CSGALNACT1: variants seen among roughly 807,000 people sequenced by gnomAD.
The protein encoded by CSGALNACT1 is chondroitin sulfate N-acetylgalactosaminyltransferase 1.
CSGALNACT1 carries 52 observed loss-of-function variants against 51.0 expected under a neutral mutation model. The observed-to-expected ratio is 1.02, with a 90% CI of 0.82 to 1.29. The LOEUF is 1.29. Ranked by LOEUF, CSGALNACT1 falls within the 50% of genes most tolerant of loss-of-function variation. The probability of loss-of-function intolerance (pLI) is 0.00; values close to 1 mark genes in which losing one functional copy is unlikely to be tolerated. For synonymous variants in CSGALNACT1, 341 were observed against 254.4 expected, an observed-to-expected ratio of 1.34 and a Z score of -3.24; for missense variants, 935 against 679.2, an observed-to-expected ratio of 1.38 and a Z score of -4.19.
At chr8:19,707,946 T>G (rs2062273310) in intron 1 of CSGALNACT1, among the ~76,000 whole-genome samples, 1 of 152,154 alleles carries the variant, frequency 6.6e-6, no homozygotes, top group South Asian at 2.1e-4. Flanking sequence ...AGGCAGAGGT[T>G]GCAGTGAGCT....
intron 1 of CSGALNACT1, among the ~76,000 whole-genome samples, chr8:19,667,012 A>AAGGAAGGAAGGAAGG (rs2059378990): frequency 5.8e-5 from 2 of 34,394 alleles, no homozygotes; most frequent in Non-Finnish European, 1.0e-4. Context: ...AGAAAGAAAG[A>AAGGAAGGAAGGAAGG]AAGAAAGGAA....
At chr8:19,526,598 T>A (rs1232284105) in intron 3 of CSGALNACT1, among the ~76,000 whole-genome samples, 2 of 151,924 alleles carry the variant, frequency 1.3e-5, no homozygotes, top group East Asian at 3.9e-4. Context: ...ATAATAATAA[T>A]TTATATATAA....
chr8:19,523,131 G>T lies in CSGALNACT1; in HGVS notation c.-296-17001C>A, dbSNP rs113322945. The stretch of plus-strand genomic sequence containing the variant: ...CAAGACCATCAGAGTTCCATCTCAC[G>T]TAACAGTGACCTACACTGAAGCAAG... On this transcript the variant is annotated intron_variant, in intron 3 of 9. Transcript: ENST00000454498. Among the ~76,000 whole-genome samples the T allele has an allele frequency of 3.2e-4, 49 of 152,242 alleles. No individual in the cohort carries two copies. In the East Asian group the frequency reaches 7.3e-3, roughly 23 times the overall value.
chr8:19,581,118 G>T (rs1478727739), intron 3 of CSGALNACT1, among the ~76,000 whole-genome samples: 1 of 152,174 alleles, frequency 6.6e-6, no homozygotes, highest in Non-Finnish European at 1.5e-5. Flanking sequence ...CAAAACTGAT[G>T]AAAGGTATCA....
chr8:19,751,614 C>A (rs1041817776), intron 1 of CSGALNACT1, among the ~76,000 whole-genome samples: 2 of 152,058 alleles, frequency 1.3e-5, no homozygotes, highest in African/African-American at 4.8e-5. Context: ...GGGTTCTATG[C>A]CCCCACCGAA....
chr8:19,481,480 A>T (rs1226965286), intron 4 of CSGALNACT1, among the ~76,000 whole-genome samples: 1 of 152,162 alleles, frequency 6.6e-6, no homozygotes, highest in Non-Finnish European at 1.5e-5. Context: ...TATAAAGATC[A>T]CAGGTCTTTA....
intron 3 of CSGALNACT1, among the ~76,000 whole-genome samples, chr8:19,591,008 AT>A (rs1282635785): frequency 6.6e-6 from 1 of 152,174 alleles, no homozygotes; most frequent in Non-Finnish European, 1.5e-5. Context: ...TACTGGAAAA[AT>A]TAATGAGACA....
At chr8:19,727,971 A>C (rs1051206090) in intron 1 of CSGALNACT1, among the ~76,000 whole-genome samples, 1 of 152,164 alleles carries the variant, frequency 6.6e-6, no homozygotes, top group Non-Finnish European at 1.5e-5. Flanking sequence ...GCCTTATCTT[A>C]ATAGAGCAGC....
chr8:19,580,825 C>G (rs879347386), intron 3 of CSGALNACT1, among the ~76,000 whole-genome samples: 2 of 151,924 alleles, frequency 1.3e-5, no homozygotes, highest in Admixed American at 6.6e-5. Flanking sequence ...TACCTAGCTT[C>G]TATAAAAAAG....
intron 3 of CSGALNACT1, among the ~76,000 whole-genome samples, chr8:19,541,634 A>C (rs2085187783): frequency 1.4e-5 from 2 of 139,476 alleles, no homozygotes; most frequent in South Asian, 4.6e-4. Flanking sequence ...TCCTGACCTC[A>C]GGTGATGCAC....
chr8:19,717,802 C>T (rs2062895163), intron 1 of CSGALNACT1, among the ~76,000 whole-genome samples: 1 of 152,152 alleles, frequency 6.6e-6, no homozygotes, highest in Admixed American at 6.5e-5. Context: ...CACTGTAACC[C>T]TAGTCTTGGC....
intron 1 of CSGALNACT1, among the ~76,000 whole-genome samples, chr8:19,626,516 G>T (rs79636595): frequency 0.023 from 3,503 of 152,184 alleles, 156 homozygotes; most frequent in African/African-American, 0.08. Context: ...GAAAATCCTT[G>T]TAACTTAGGG....
chr8:19,466,746 C>T (rs1428034223), intron 4 of CSGALNACT1, among the ~76,000 whole-genome samples: 2 of 152,206 alleles, frequency 1.3e-5, no homozygotes, highest in East Asian at 3.9e-4. Context: ...CCATGAAATG[C>T]AACAGAAATT....
chr8:19,602,821 G>C (rs2050734080), upstream of CSGALNACT1: 1 of 151,650 alleles, frequency 6.6e-6, no homozygotes, highest in Non-Finnish European at 1.5e-5. Flanking sequence ...CTCTGGAAAG[G>C]GACTAAGCCC....
intron 4 of CSGALNACT1, among the ~76,000 whole-genome samples, chr8:19,464,861 G>A (rs1181960417): frequency 6.6e-6 from 1 of 152,174 alleles, no homozygotes; most frequent in Non-Finnish European, 1.5e-5. Context: ...TTCTCCAGTT[G>A]CAGAAACTGG....
chr8:19,562,150 C>T (rs893851057), intron 3 of CSGALNACT1, among the ~76,000 whole-genome samples: 3 of 152,176 alleles, frequency 2.0e-5, no homozygotes, highest in Admixed American at 2.0e-4. Flanking sequence ...CCCCCACAGC[C>T]AAACCAGAGG....
At chr8:19,615,874 G>A (rs552440368) in intron 1 of CSGALNACT1, among the ~76,000 whole-genome samples, 96 of 152,096 alleles carry the variant, frequency 6.3e-4, no homozygotes, top group Non-Finnish European at 8.7e-4. Context: ...TGTGAAAAAC[G>A]TCAACCTCAT....
At chr8:19,653,482 G>A (rs1475445787) in intron 1 of CSGALNACT1, among the ~76,000 whole-genome samples, 2 of 152,136 alleles carry the variant, frequency 1.3e-5, no homozygotes, top group African/African-American at 2.4e-5. Flanking sequence ...ATCTATATGT[G>A]TTGAGAACCA....
intron 1 of CSGALNACT1, among the ~76,000 whole-genome samples, chr8:19,643,991 C>T (rs558931830): frequency 1.3e-3 from 192 of 152,310 alleles, no homozygotes; most frequent in African/African-American, 4.4e-3. Flanking sequence ...GATGTCTATG[C>T]AGTCATGTGT....
Sources: allele counts gnomAD v4.1 joint callset (sites outside exome capture counted in the v4.1 genomes callset), GRCh38; gene constraint gnomAD v4.1.1; transcripts MANE v1.5; gene names NCBI Gene and HGNC (gene_info 2026-07-23, HGNC 2026-07-21).